The following SPOCK1 variants were observed in gnomAD, a reference collection of about 807,000 sequenced individuals.
SPOCK1 encodes testican-1.
A neutral mutation model predicts 55.3 loss-of-function variants in SPOCK1; 23 were observed. That is an observed-to-expected ratio of 0.42 (90% CI 0.30 to 0.59). The LOEUF is 0.59. SPOCK1 is among the 20% of genes least tolerant of loss of function. The pLI, the probability that SPOCK1 is intolerant of heterozygous loss-of-function variation, is 0.22. For missense variants in SPOCK1, 499 were observed against 552.5 expected (o/e 0.90, Z 0.97); for synonymous variants, 226 against 221.0 (o/e 1.02, Z -0.20).
chr5:137,070,736 G>GCCT (rs1752595856), intron 5 of SPOCK1, among the ~76,000 whole-genome samples: 1 of 152,174 alleles, frequency 6.6e-6, no homozygotes, highest in African/African-American at 2.4e-5. Flanking sequence ...TGGAGTATGA[G>GCCT]CCTCTCTGGG....
chr5:137,005,617 C>A, intron 6 of SPOCK1, among the ~76,000 whole-genome samples: 1 of 151,430 alleles, frequency 6.6e-6, no homozygotes, highest in East Asian at 1.9e-4. Flanking sequence ...GAAAATGAAG[C>A]CAAAGTGGAG....
At chr5:137,317,563 G>T (rs1473573367) in intron 2 of SPOCK1, among the ~76,000 whole-genome samples, 1 of 152,176 alleles carries the variant, frequency 6.6e-6, no homozygotes, top group African/African-American at 2.4e-5. Context: ...ACACAGCATA[G>T]TTAAAACATC....
At chr5:137,387,446 T>A (rs1425683026) in intron 2 of SPOCK1, among the ~76,000 whole-genome samples, 1 of 152,224 alleles carries the variant, frequency 6.6e-6, no homozygotes, top group Non-Finnish European at 1.5e-5. Context: ...GACAATGGGA[T>A]ATTTTTCAAC....
chr5:137,272,734 A>C (rs202049665), intron 2 of SPOCK1, among the ~76,000 whole-genome samples: 393 of 102,450 alleles, frequency 3.8e-3, no homozygotes, highest in South Asian at 6.7e-3. Flanking sequence ...ACCCACCCCC[A>C]CCCCCCCACC....
chr5:137,096,948 G>C (rs1753159657), intron 5 of SPOCK1, among the ~76,000 whole-genome samples: 1 of 152,172 alleles, frequency 6.6e-6, no homozygotes, highest in Non-Finnish European at 1.5e-5. Context: ...GGGAGCACAG[G>C]AGCATTAATA....
intron 4 of SPOCK1, among the ~76,000 whole-genome samples, chr5:137,133,638 G>T (rs1753925759): frequency 6.6e-6 from 1 of 152,108 alleles, no homozygotes; most frequent in African/African-American, 2.4e-5. Flanking sequence ...GTTCAGTGAA[G>T]GCTCCACAAA....
chr5:137,041,686 A>C (rs757923473), intron 6 of SPOCK1, among the ~76,000 whole-genome samples: 40 of 152,206 alleles, frequency 2.6e-4, no homozygotes, highest in South Asian at 6.2e-4. Flanking sequence ...GTGATAGAAA[A>C]TAACCATATG....
intron 2 of SPOCK1, among the ~76,000 whole-genome samples, chr5:137,306,195 G>A (rs1219155662): frequency 6.6e-6 from 1 of 152,226 alleles, no homozygotes; most frequent in African/African-American, 2.4e-5. Flanking sequence ...GAAGGTGGAG[G>A]AGAAACAAGT....
chr5:137,169,512 T>C (rs1333825081), intron 3 of SPOCK1, among the ~76,000 whole-genome samples: 1 of 40,452 alleles, frequency 2.5e-5, no homozygotes, highest in Non-Finnish European at 5.2e-5. Context: ...ACTAAATGCC[T>C]ATCTGCCCAG....
intron 2 of SPOCK1, among the ~76,000 whole-genome samples, chr5:137,430,731 G>A (rs952915326): frequency 7.2e-5 from 11 of 152,136 alleles, no homozygotes; most frequent in Non-Finnish European, 1.2e-4. Context: ...TTTGGCTTTA[G>A]AATTCTAATT....
At chr5:137,456,215 C>G (rs886123128) in intron 2 of SPOCK1, among the ~76,000 whole-genome samples, 1 of 152,092 alleles carries the variant, frequency 6.6e-6, no homozygotes, top group Non-Finnish European at 1.5e-5. Flanking sequence ...TAATTATCAC[C>G]GCCCCTCAGT....
chr5:137,303,978 A>C (rs1757653120), intron 2 of SPOCK1, among the ~76,000 whole-genome samples: 2 of 152,218 alleles, frequency 1.3e-5, no homozygotes, highest in Non-Finnish European at 2.9e-5. Flanking sequence ...GCAGAGAAGA[A>C]AGAAAGATGG....
At chr5:137,149,636 A>G (rs558424055) in intron 3 of SPOCK1, among the ~76,000 whole-genome samples, 4 of 152,338 alleles carry the variant, frequency 2.6e-5, no homozygotes, top group Admixed American at 2.6e-4. Flanking sequence ...TTTCTATAAA[A>G]ACATGGAGCT....
In SPOCK1 at chr5:137,172,113, C is replaced by G. The variant is rs74515168; in HGVS notation, c.233-31419G>C. On this transcript the variant is annotated intron_variant, in intron 3 of 10. Coordinates refer to ENST00000394945, the MANE Select transcript of SPOCK1 (RefSeq NM_004598.4). The stretch of plus-strand genomic sequence containing the variant: ...ACCCCTTCCACCAAACAATGCAGCC[C>G]TGGCCCTCAACACCCAACTCACAAC... Among the ~76,000 whole-genome samples the G allele has an allele frequency of 5.7e-3, 870 of 152,290 alleles. 32 individuals are homozygous for G. In the East Asian group the frequency reaches 0.067, roughly 12 times the overall value.
chr5:137,407,109 G>A (rs537014981), intron 2 of SPOCK1, among the ~76,000 whole-genome samples: 102 of 152,234 alleles, frequency 6.7e-4, no homozygotes, highest in African/African-American at 2.3e-3. Flanking sequence ...AAAGAATTAA[G>A]AGCTTAATTA....
At chr5:137,361,478 C>T (rs144603307) in intron 2 of SPOCK1, among the ~76,000 whole-genome samples, 3 of 151,988 alleles carry the variant, frequency 2.0e-5, no homozygotes, top group Non-Finnish European at 4.4e-5. Context: ...AGCATGTGTA[C>T]GTGCATAGAT....
intron 2 of SPOCK1, among the ~76,000 whole-genome samples, chr5:137,333,473 AG>A (rs1023860977): frequency 6.6e-6 from 1 of 152,214 alleles, no homozygotes; most frequent in African/African-American, 2.4e-5. Flanking sequence ...GGCCACCACT[AG>A]GGACCAATCG....
chr5:137,186,125 TGA>T (rs546736443), intron 3 of SPOCK1, among the ~76,000 whole-genome samples: 46 of 152,334 alleles, frequency 3.0e-4, no homozygotes, highest in African/African-American at 1.0e-3. Context: ...TGAATAGACT[TGA>T]GTCACCCCGT....
intron 2 of SPOCK1, among the ~76,000 whole-genome samples, chr5:137,309,291 T>C (rs1430310548): frequency 6.7e-6 from 1 of 150,334 alleles, no homozygotes; most frequent in Non-Finnish European, 1.5e-5. Context: ...ATAAGAAAAC[T>C]GTATGGATAA....
Sources: gnomAD v4.1 joint callset for allele counts (sites outside exome capture counted in the v4.1 genomes callset) on GRCh38, gnomAD v4.1.1 for gene constraint, MANE v1.5 for transcripts, NCBI Gene and HGNC (gene_info 2026-07-23, HGNC 2026-07-21) for gene names.